TSHR: variants seen among roughly 807,000 people sequenced by gnomAD.
The protein encoded by TSHR is thyroid stimulating hormone receptor.
In TSHR, 51 loss-of-function variants were observed where a neutral mutation model predicts 64.1. The ratio of observed to expected loss-of-function variants is 0.80; its 90% CI spans 0.64 to 1.01. The LOEUF (loss-of-function observed/expected upper bound fraction) is 1.01, where lower values mean the gene tolerates loss of function less well. TSHR is among the 50% of genes least tolerant of loss of function. The probability of loss-of-function intolerance (pLI) is 0.00; values close to 1 mark genes in which losing one functional copy is unlikely to be tolerated. For synonymous variants in TSHR, 361 were observed against 361.9 expected, an observed-to-expected ratio of 1.00 and a Z score of 0.03; for missense variants, 877 against 942.8, an observed-to-expected ratio of 0.93 and a Z score of 0.91.
Position 81,144,266 on chromosome 14 carries a change from A to C in TSHR, c.2208A>C (p.Glu736Asp). 6.2e-7 allele frequency: 1 copy of C among 1,614,084 alleles called. No homozygotes were observed. Among genetic ancestry groups the C allele is most frequent in the Non-Finnish European group, 8.5e-7 (1 of 1,179,988 alleles). The change falls in exon 10 of 10, where the codon GAA (glutamate) becomes GAC (aspartate). Residue 736 changes from glutamate (E) to aspartate (D), a missense_variant. Glu to Asp is a conservative substitution (Grantham distance 45). Transcript: ENST00000298171. ...HEMRQGLHNM[E>D]DVYELIENSH... Reference sequence around the variant, plus strand: ...TGAGGCAGGGTCTCCACAACATGGAAGATGTCTATGAACTGATTGAAAACT... The same window carrying C: ...TGAGGCAGGGTCTCCACAACATGGACGATGTCTATGAACTGATTGAAAACT...
intron 8 of TSHR, among the ~76,000 whole-genome samples, chr14:81,130,383 AG>A (rs372030067): frequency 2.2e-3 from 335 of 152,280 alleles, no homozygotes; most frequent in Middle Eastern, 6.8e-3. Flanking sequence ...CTTATTTCAG[AG>A]GCATTTGACT....
intron 8 of TSHR, among the ~76,000 whole-genome samples, chr14:81,130,554 G>A (rs1246205780): frequency 1.3e-5 from 2 of 151,964 alleles, no homozygotes; most frequent in Non-Finnish European, 2.9e-5. Context: ...GAGTGCCCCA[G>A]GCCTCCATCT....
chr14:80,974,859 G>A (rs1221273577), intron 1 of TSHR, among the ~76,000 whole-genome samples: 1 of 152,192 alleles, frequency 6.6e-6, no homozygotes. Flanking sequence ...TCAGCTAAAA[G>A]TCACGGTGAA....
At chr14:81,029,362 C>T (rs1459099328) in intron 1 of TSHR, among the ~76,000 whole-genome samples, 1 of 151,862 alleles carries the variant, frequency 6.6e-6, no homozygotes, top group African/African-American at 2.4e-5. Flanking sequence ...ATTAGCTTCT[C>T]ATATATTTCA....
intron 1 of TSHR, chr14:81,001,434 G>T (rs1889310750): frequency 1.5e-5 from 7 of 470,220 alleles, no homozygotes; most frequent in African/African-American, 7.8e-5. Flanking sequence ...GCAAATCTTA[G>T]GTGCTTTATT....
At chr14:81,107,462 T>C (rs1254939057) in intron 7 of TSHR, among the ~76,000 whole-genome samples, 2 of 152,222 alleles carry the variant, frequency 1.3e-5, no homozygotes, top group African/African-American at 4.8e-5. Context: ...TTTTAGATAA[T>C]TTTGTTGTGT....
chr14:80,983,537 G>A (rs779274808), intron 1 of TSHR: 18 of 1,307,342 alleles, frequency 1.4e-5, no homozygotes, highest in East Asian at 6.9e-5. Context: ...TTAACATAAA[G>A]GAGCATATCA....
intron 1 of TSHR, among the ~76,000 whole-genome samples, chr14:81,027,946 G>A (rs918056029): frequency 8.5e-5 from 13 of 152,104 alleles, no homozygotes; most frequent in African/African-American, 2.7e-4. Context: ...AGGCTGATCT[G>A]AGACTAAGGC....
chr14:81,058,175 C>A (rs769076376), intron 1 of TSHR, among the ~76,000 whole-genome samples: 1 of 152,174 alleles, frequency 6.6e-6, no homozygotes, highest in Non-Finnish European at 1.5e-5. Flanking sequence ...AAACTGGGTT[C>A]TACCTGCAAA....
intron 8 of TSHR, chr14:81,108,926 AT>A (rs1482930367): frequency 1.0e-5 from 14 of 1,392,032 alleles, no homozygotes; most frequent in Non-Finnish European, 1.3e-5. Context: ...GAATAAAAAC[AT>A]TTTTTAAACA....
chr14:81,007,958 T>C (rs1490245620), intron 1 of TSHR, among the ~76,000 whole-genome samples: 1 of 152,172 alleles, frequency 6.6e-6, no homozygotes, highest in Non-Finnish European at 1.5e-5. Flanking sequence ...TTTTTGCAAG[T>C]TGGCACCATA....
intron 6 of TSHR, chr14:81,095,420 A>C (rs892708203): frequency 6.6e-6 from 1 of 152,254 alleles, no homozygotes; most frequent in Non-Finnish European, 1.5e-5. Context: ...GAAAAATACA[A>C]AAATTAGCCA....
chr14:81,053,325 A>G (rs1311580498), intron 1 of TSHR: 1 of 152,218 alleles, frequency 6.6e-6, no homozygotes, highest in Non-Finnish European at 1.5e-5. Flanking sequence ...TCAAATGTCA[A>G]TCTCATCCAG....
chr14:81,085,033 C>T (rs1888186496), intron 3 of TSHR, among the ~76,000 whole-genome samples: 1 of 152,226 alleles, frequency 6.6e-6, no homozygotes. Context: ...ACAATCTCAG[C>T]TCACTGCAAC....
intron 3 of TSHR, among the ~76,000 whole-genome samples, chr14:81,079,952 TG>T: frequency 6.6e-6 from 1 of 151,824 alleles, no homozygotes; most frequent in Non-Finnish European, 1.5e-5. Context: ...TTTGTTTGTT[TG>T]TTTGTTTGTT....
chr14:80,970,780 T>A (rs768141880), intron 1 of TSHR, among the ~76,000 whole-genome samples: 2 of 152,184 alleles, frequency 1.3e-5, no homozygotes, highest in Non-Finnish European at 2.9e-5. Context: ...TTGTAAAAGG[T>A]AGAAAGGGCA....
intron 3 of TSHR, among the ~76,000 whole-genome samples, chr14:81,086,899 C>T (rs1888325726): frequency 6.6e-6 from 1 of 152,130 alleles, no homozygotes; most frequent in Non-Finnish European, 1.5e-5. Context: ...GAAAACTGAT[C>T]AGTGGTTTCT....
chr14:80,962,147 C>T (rs1887070008), intron 1 of TSHR, among the ~76,000 whole-genome samples: 1 of 152,142 alleles, frequency 6.6e-6, no homozygotes, highest in African/African-American at 2.4e-5. Flanking sequence ...CCCTGACTCA[C>T]CAGATTCCTG....
At chr14:81,107,269 A>G (rs1189767030) in intron 7 of TSHR, 1 of 152,150 alleles carries the variant, frequency 6.6e-6, no homozygotes, top group Non-Finnish European at 1.5e-5. Flanking sequence ...CAAACCCCGT[A>G]AGTAGAATAA....
Sources: allele counts gnomAD v4.1 joint callset (sites outside exome capture counted in the v4.1 genomes callset), GRCh38; gene constraint gnomAD v4.1.1; transcripts MANE v1.5; gene names NCBI Gene and HGNC (gene_info 2026-07-23, HGNC 2026-07-21).